The following GRIK4 variants were observed in gnomAD, a reference collection of about 807,000 sequenced individuals.
GRIK4 encodes glutamate receptor ionotropic, kainate 4.
Under a neutral mutation model 104.9 loss-of-function variants are expected in GRIK4, and 40 were observed. That is an observed-to-expected ratio of 0.38 (90% confidence interval 0.30 to 0.50). The LOEUF is 0.50. GRIK4 is among the 20% of genes least tolerant of loss of function. The probability of loss-of-function intolerance (pLI) is 0.93; values close to 1 mark genes in which losing one functional copy is unlikely to be tolerated. For synonymous variants in GRIK4, 485 were observed against 524.9 expected (o/e 0.92, Z 1.04); for missense variants, 1,047 against 1,308.1 (o/e 0.80, Z 3.08).
rs1299026085 is a variant in GRIK4, at chr11:120,962,798, A to T, written c.2266+117A>T. ...CCCCTGTTGTTAGAACCAGTTTAAC[A>T]GTGACTTTACGTGGGCATTCTAAAG... On this transcript the variant is annotated intron_variant, in intron 18 of 20. Transcript: ENST00000527524. 4.6e-6 allele frequency: 3 copies of T among 654,896 alleles called. No individual in the cohort carries two copies. The East Asian group carries it at 8.0e-5, about 18-fold the overall frequency. 40.6% of individuals were successfully genotyped at this position (654,896 alleles called of 1,614,324 possible).
intron 1 of GRIK4, among the ~76,000 whole-genome samples, chr11:120,539,808 CTGGAGGGCTA>C (rs1483436994): frequency 6.6e-6 from 1 of 152,132 alleles, no homozygotes; most frequent in East Asian, 1.9e-4. Context: ...AATGGAGCTC[CTGGAGGGCTA>C]AATAGGCAGC....
At chr11:120,965,063 G>A (rs969131644) in intron 18 of GRIK4, among the ~76,000 whole-genome samples, 48 of 152,186 alleles carry the variant, frequency 3.2e-4, no homozygotes, top group African/African-American at 1.1e-3. Context: ...CCAGCTGGGA[G>A]TATGCCCAGG....
At chr11:120,780,071 A>C (rs989751982) in intron 3 of GRIK4, among the ~76,000 whole-genome samples, 3 of 152,216 alleles carry the variant, frequency 2.0e-5, no homozygotes, top group Non-Finnish European at 4.4e-5. Context: ...ATTTTACTCT[A>C]ATCTCCTAGA....
chr11:120,986,329 T>TCAGCCGC lies in GRIK4; in HGVS notation c.*76_*82dup, dbSNP rs1329237208. On this transcript the variant is annotated 3_prime_UTR_variant, in exon 21 of 21. Coordinates refer to ENST00000527524, the MANE Select transcript of GRIK4 (RefSeq NM_014619.5). Reference sequence around the variant, plus strand: ...GGGAGGGGCGGGGCGGGCGCTGCTGTCAGCCGCCAGCCGGAACTTGTACAG... The same window carrying TCAGCCGC: ...GGGAGGGGCGGGGCGGGCGCTGCTGTCAGCCGCCAGCCGCCAGCCGGAACTTGTACAG... 3.5e-6 allele frequency: 5 copies of TCAGCCGC among 1,410,152 alleles called. No homozygotes were observed. Among genetic ancestry groups the TCAGCCGC allele is most frequent in the Non-Finnish European group, 4.6e-6 (5 of 1,087,306 alleles). The allele number at this position is 1,410,152 out of a possible 1,614,324, so 87.4% of individuals were successfully genotyped here.
chr11:120,561,430 C>T (rs1418987676), intron 1 of GRIK4, among the ~76,000 whole-genome samples: 3 of 152,204 alleles, frequency 2.0e-5, no homozygotes, highest in South Asian at 4.1e-4. Context: ...AAGGCCTCTG[C>T]CTGGGAGGAA....
intron 13 of GRIK4, among the ~76,000 whole-genome samples, chr11:120,921,298 A>G (rs149505167): frequency 1.2e-4 from 19 of 152,294 alleles, no homozygotes; most frequent in African/African-American, 4.3e-4. Context: ...TTATCCGTCT[A>G]TTGGCAGCAT....
intron 2 of GRIK4, among the ~76,000 whole-genome samples, chr11:120,658,103 T>A (rs1949742661): frequency 6.6e-6 from 1 of 152,252 alleles, no homozygotes; most frequent in Admixed American, 6.5e-5. Context: ...CTTTTTACAC[T>A]TTATATAGAC....
chr11:120,831,631 G>C (rs928464288), intron 6 of GRIK4, among the ~76,000 whole-genome samples: 1 of 152,182 alleles, frequency 6.6e-6, no homozygotes, highest in African/African-American at 2.4e-5. Context: ...CAGGGGAGGT[G>C]ATGGACTCAG....
At chr11:120,597,865 CG>C (rs1555144347) in intron 1 of GRIK4, among the ~76,000 whole-genome samples, 1 of 152,072 alleles carries the variant, frequency 6.6e-6, no homozygotes, top group Non-Finnish European at 1.5e-5. Context: ...CTTTCAGGAG[CG>C]GGAGTGCCTG....
At chr11:120,784,512 C>T (rs929150019) in intron 3 of GRIK4, among the ~76,000 whole-genome samples, 11 of 152,106 alleles carry the variant, frequency 7.2e-5, no homozygotes, top group African/African-American at 1.2e-4. Context: ...GATCGGAGGC[C>T]ACAGGGTCCT....
chr11:120,817,948 A>G (rs1053712752), intron 5 of GRIK4, among the ~76,000 whole-genome samples: 12 of 152,244 alleles, frequency 7.9e-5, no homozygotes, highest in African/African-American at 2.9e-4. Flanking sequence ...ACAGGTTCAC[A>G]TTTTATCCTC....
chr11:120,746,497 C>G (rs1451066022), intron 3 of GRIK4, among the ~76,000 whole-genome samples: 1 of 152,090 alleles, frequency 6.6e-6, no homozygotes, highest in African/African-American at 2.4e-5. Context: ...TCCTCCAGCC[C>G]CCTTTTCTGT....
At chr11:120,519,880 G>GTTTTTTT (rs11300538) in intron 1 of GRIK4, among the ~76,000 whole-genome samples, 1 of 121,618 alleles carries the variant, frequency 8.2e-6, no homozygotes, top group Non-Finnish European at 1.6e-5. Context: ...TTTTTTTTTT[G>GTTTTTTT]TTTTTTTTTT....
At position 120,902,979 on chromosome 11, in the gene GRIK4, T is replaced by A. The variant is rs967146452; in HGVS notation, c.1273-2311T>A. ...CGCTCCCTGACACATGACCTTTGCC[T>A]TCTGGCTGCCCACTTCATCACGCCC... is the stretch of plus-strand genomic sequence containing the variant. On this transcript the variant is annotated intron_variant, in intron 12 of 20. Coordinates refer to ENST00000527524, the MANE Select transcript of GRIK4 (RefSeq NM_014619.5). The surrounding 1 kb of genome is among the most constrained non-coding windows in gnomAD (Gnocchi z 4.5). Among the ~76,000 whole-genome samples the A allele has an allele frequency of 6.6e-6, 1 of 152,152 alleles. No individual in the cohort carries two copies. Among genetic ancestry groups the A allele is most frequent in the Non-Finnish European group, 1.5e-5 (1 of 68,022 alleles).
intron 4 of GRIK4, among the ~76,000 whole-genome samples, chr11:120,808,892 C>T (rs367998145): frequency 3.9e-5 from 6 of 152,292 alleles, no homozygotes; most frequent in African/African-American, 1.4e-4. Flanking sequence ...CAGTGCACAT[C>T]TCTGTGAGCC....
At chr11:120,690,274 G>T (rs1041725668) in intron 3 of GRIK4, among the ~76,000 whole-genome samples, 1 of 152,330 alleles carries the variant, frequency 6.6e-6, no homozygotes, top group Non-Finnish European at 1.5e-5. Flanking sequence ...TGAGAGCATG[G>T]TAAGATGTTT....
At chr11:120,719,684 C>A (rs940257525) in intron 3 of GRIK4, among the ~76,000 whole-genome samples, 1 of 152,160 alleles carries the variant, frequency 6.6e-6, no homozygotes, top group Non-Finnish European at 1.5e-5. Context: ...ACTCTTTCTC[C>A]CACTGTAAAG....
intron 8 of GRIK4, among the ~76,000 whole-genome samples, chr11:120,858,062 C>T (rs1954163507): frequency 6.6e-6 from 1 of 152,174 alleles, no homozygotes; most frequent in Non-Finnish European, 1.5e-5. Flanking sequence ...CAGGGACCCT[C>T]AGGATATCCC....
chr11:120,541,006 C>T (rs1227758396), intron 1 of GRIK4, among the ~76,000 whole-genome samples: 2 of 152,224 alleles, frequency 1.3e-5, no homozygotes, highest in Admixed American at 6.5e-5. Flanking sequence ...GTCTGCTACA[C>T]GTGGCCCTCT....
Sources: gnomAD v4.1 joint callset for allele counts (sites outside exome capture counted in the v4.1 genomes callset) on GRCh38, gnomAD v4.1.1 for gene constraint, Gnocchi (gnomAD v3.1) non-coding constraint, MANE v1.5 for transcripts, NCBI Gene and HGNC (gene_info 2026-07-23, HGNC 2026-07-21) for gene names.